The following PTPN12 variants were observed in gnomAD, a reference collection of about 807,000 sequenced individuals.
PTPN12 encodes tyrosine-protein phosphatase non-receptor type 12.
In PTPN12, 29 loss-of-function variants were observed where a neutral mutation model predicts 97.6. The ratio of observed to expected loss-of-function variants is 0.30; its 90% CI spans 0.22 to 0.41. The LOEUF (loss-of-function observed/expected upper bound fraction) is 0.41. Among genes scored for constraint, PTPN12 ranks in the 10% least tolerant of loss-of-function variants. PTPN12 has a pLI of 1.00. For missense variants in PTPN12, 819 were observed against 926.0 expected (o/e 0.88, Z 1.50); for synonymous variants, 327 against 300.4 (o/e 1.09, Z -0.91).
chr7:77,625,674 A>G (rs550235320), intron 12 of PTPN12, among the ~76,000 whole-genome samples: 2 of 144,782 alleles, frequency 1.4e-5, no homozygotes, highest in Admixed American at 7.2e-5. Context: ...GGCTCAAGCA[A>G]TTCTCCTGCC....
chr7:77,597,108 A>G (rs1328921969), intron 6 of PTPN12, among the ~76,000 whole-genome samples: 2 of 151,818 alleles, frequency 1.3e-5, no homozygotes, highest in Non-Finnish European at 2.9e-5. Context: ...CAGAAGTCAT[A>G]TAGTTTGTTT....
At chr7:77,611,119 T>G (rs1788555004) in intron 11 of PTPN12, 73 bp downstream of exon 11, 1 of 1,160,718 alleles carries the variant, frequency 8.6e-7, no homozygotes, top group Admixed American at 2.0e-5. Context: ...GCCTTTTTTT[T>G]GTTGTCTTGT....
chr7:77,537,686 C>CG, intron 1 of PTPN12, 41 bp downstream of exon 1: 1 of 1,539,624 alleles, frequency 6.5e-7, no homozygotes, highest in African/African-American at 1.4e-5. Flanking sequence ...TTGCCGGCGC[C>CG]GGAGCCCATC....
At chr7:77,576,365 A>AT (rs1787342918) in intron 2 of PTPN12, among the ~76,000 whole-genome samples, 1 of 152,088 alleles carries the variant, frequency 6.6e-6, no homozygotes, top group South Asian at 2.1e-4. Context: ...AATTGTTTTC[A>AT]TTTTTTTGAT....
intron 1 of PTPN12, among the ~76,000 whole-genome samples, chr7:77,559,041 G>A (rs995459168): frequency 6.6e-6 from 1 of 152,064 alleles, no homozygotes; most frequent in African/African-American, 2.4e-5. Context: ...AAATAATATG[G>A]TTTATGTTGA....
intron 3 of PTPN12, among the ~76,000 whole-genome samples, chr7:77,582,084 C>CT (rs11341609): frequency 0.017 from 875 of 52,816 alleles, 216 homozygotes; most frequent in African/African-American, 0.041. Context: ...CAGTCAAGTT[C>CT]TTTTTTTTTT....
intron 13 of PTPN12, among the ~76,000 whole-genome samples, chr7:77,630,553 C>G (rs1403259869): frequency 6.6e-6 from 1 of 152,152 alleles, no homozygotes; most frequent in Admixed American, 6.6e-5. Context: ...ATTTGTGTAT[C>G]TAAACATAGA....
At position 77,632,406 on chromosome 7, in the gene PTPN12, T is replaced by G. The variant is rs772240783; in HGVS notation, c.2055T>G (p.Phe685Leu). ...PPLPERTPES[F>L]VLASEHNTPV... ...TACCTGAAAGAACTCCTGAATCGTTTGTGTTAGCAAGTGAACATAGTGAGT... is the reference window on the plus strand; with the variant it reads ...TACCTGAAAGAACTCCTGAATCGTTGGTGTTAGCAAGTGAACATAGTGAGT... The change falls in exon 14 of 18, where the codon TTT becomes TTG. Residue 685 changes from phenylalanine (F) to leucine (L), a missense_variant. Phe to Leu is a conservative substitution (Grantham distance 22). Around this residue, in one of 5 missense-constraint regions of PTPN12, gnomAD observed 607 missense variants for 577.3 expected, o/e 1.05. Coordinates refer to ENST00000248594, the MANE Select transcript of PTPN12 (RefSeq NM_002835.4). The G allele has an allele frequency of 1.9e-6, 3 of 1,609,800 alleles. No homozygotes were observed. The highest frequency in any genetic ancestry group is 2.2e-5 in the East Asian group (1 of 44,780).
chr7:77,540,933 A>C (rs549859731), intron 1 of PTPN12, among the ~76,000 whole-genome samples: 1 of 152,224 alleles, frequency 6.6e-6, no homozygotes, highest in African/African-American at 2.4e-5. Context: ...TTGGAAATTA[A>C]TAGAATAATA....
intron 1 of PTPN12, among the ~76,000 whole-genome samples, chr7:77,553,974 T>G (rs1234119984): frequency 5.3e-5 from 8 of 152,038 alleles, no homozygotes; most frequent in Non-Finnish European, 8.8e-5. Context: ...TTGTTTTTGG[T>G]CTTTTCTAAA....
At position 77,625,467 on chromosome 7, in the gene PTPN12, T is replaced by TGCTCGCTCGCGC. The variant is rs1298553010; in HGVS notation, c.1026-1230_1026-1229insGCGCGCTCGCTC. ...CAGGGTTTTGCCATATTGCCCAGGC[T>TGCTCGCTCGCGC]GCTCGCTCTCTCTCTCTCTCTCTCT... On this transcript the variant is annotated intron_variant, in intron 12 of 17. Transcript: ENST00000248594. Among the ~76,000 whole-genome samples the TGCTCGCTCGCGC allele has an allele frequency of 1.0e-4, 2 of 19,918 alleles. 1 individual carries two copies. Among genetic ancestry groups the TGCTCGCTCGCGC allele is most frequent in the East Asian group, 4.9e-3 (2 of 410 alleles). 13.1% of individuals were successfully genotyped at this position (19,918 alleles called of 152,430 possible).
At position 77,639,330 on chromosome 7, in the gene PTPN12, A is replaced by AC; in HGVS notation, c.*51dup. The AC allele has an allele frequency of 2.1e-6, 3 of 1,419,534 alleles. No individual in the cohort carries two copies. The highest frequency in any genetic ancestry group is 3.0e-6 in the Non-Finnish European group (3 of 1,009,798). 87.9% of individuals were successfully genotyped at this position (1,419,534 alleles called of 1,614,324 possible). On this transcript the variant is annotated 3_prime_UTR_variant, in exon 18 of 18. Coordinates refer to ENST00000248594, the MANE Select transcript of PTPN12 (RefSeq NM_002835.4). The stretch of plus-strand genomic sequence containing the variant: ...AGTTATACTGGAAAATTCAGGTGCC[A>AC]CTGAAAGCCAGATTTATAGTATTCC...
At chr7:77,553,063 T>G (rs1807551741) in intron 1 of PTPN12, among the ~76,000 whole-genome samples, 1 of 152,236 alleles carries the variant, frequency 6.6e-6, no homozygotes, top group Non-Finnish European at 1.5e-5. Flanking sequence ...TTTAATTATC[T>G]GAAAATACAG....
chr7:77,585,309 A>G (rs1014577300), intron 4 of PTPN12: 3 of 379,114 alleles, frequency 7.9e-6, no homozygotes, highest in Non-Finnish European at 9.4e-6. Context: ...AATTCAAACC[A>G]AAAACATCAT....
Position 77,565,351 on chromosome 7 carries a change from T to C in PTPN12, c.100-5727T>C, listed in dbSNP as rs148299147. On this transcript the variant is annotated intron_variant, in intron 1 of 17. Transcript: ENST00000248594. The stretch of plus-strand genomic sequence containing the variant: ...TCTCTTCAGTGAATATGAAGACAAT[T>C]AGCTATATTTTTGCTAACAAGATTT... 7.2e-5 allele frequency among the ~76,000 whole-genome samples: 11 copies of C among 152,364 alleles called. No homozygotes were observed. In the East Asian group the frequency reaches 2.1e-3, roughly 29 times the overall value.
chr7:77,551,573 T>C (rs901518445), intron 1 of PTPN12, among the ~76,000 whole-genome samples: 8 of 152,220 alleles, frequency 5.3e-5, no homozygotes, highest in Non-Finnish European at 1.2e-4. Context: ...AAAATCAATG[T>C]GGATGGTCTG....
chr7:77,545,421 A>T (rs1807168265), intron 1 of PTPN12, among the ~76,000 whole-genome samples: 1 of 152,116 alleles, frequency 6.6e-6, no homozygotes, highest in African/African-American at 2.4e-5. Flanking sequence ...TAAGTTAAAA[A>T]AACTCATTGC....
chr7:77,600,827 T>C, intron 8 of PTPN12, 21 bp downstream of exon 8: 3 of 1,551,224 alleles, frequency 1.9e-6, no homozygotes, highest in Non-Finnish European at 2.6e-6. Flanking sequence ...ATTTCCCAAG[T>C]TTATAAATAC....
At chr7:77,600,927 G>A (rs147453909) in intron 8 of PTPN12, 121 bp downstream of exon 8, 10,068 of 857,778 alleles carry the variant, frequency 0.012, 71 homozygotes, top group Middle Eastern at 0.014. Context: ...ACAATGTTTG[G>A]GACTAGGGCC....
Sources: gnomAD v4.1 joint callset for allele counts (sites outside exome capture counted in the v4.1 genomes callset) on GRCh38, gnomAD v4.1.1 for gene constraint, gnomAD v4.1.1 regional missense constraint, MANE v1.5 for transcripts, NCBI Gene and HGNC (gene_info 2026-07-23, HGNC 2026-07-21) for gene names.